The following APBA1 variants were observed in gnomAD, a reference collection of about 807,000 sequenced individuals.
The protein encoded by APBA1 is amyloid beta precursor protein binding family A member 1.
A neutral mutation model predicts 86.6 loss-of-function variants in APBA1; 55 were observed. The observed-to-expected ratio is 0.64, with a 90% CI of 0.51 to 0.80. The LOEUF is 0.80. Among genes scored for constraint, APBA1 ranks in the 30% least tolerant of loss-of-function variants. The pLI is 0.00. For missense variants in APBA1, 1,090 were observed against 1,183.0 expected, an observed-to-expected ratio of 0.92 and a Z score of 1.15; for synonymous variants, 511 against 493.9, an observed-to-expected ratio of 1.03 and a Z score of -0.46.
At position 69,571,895 on chromosome 9, in the gene APBA1, T is replaced by G. The variant is rs930783354; in HGVS notation, c.-69-54616A>C. 2.6e-5 allele frequency among the ~76,000 whole-genome samples: 4 copies of G among 152,192 alleles called. No individual in the cohort carries two copies. The East Asian group carries it at 5.8e-4, about 22-fold the overall frequency. The stretch of plus-strand genomic sequence containing the variant: ...ACGAGGCTGTCATTGATTTGACCTC[T>G]GCCGACTGCTGCAATCTCAGGGCAG... On this transcript the variant is annotated intron_variant, in intron 1 of 12. Coordinates refer to ENST00000265381, the MANE Select transcript of APBA1 (RefSeq NM_001163.4).
chr9:69,665,126 G>A (rs1823820900), intron 1 of APBA1, among the ~76,000 whole-genome samples: 1 of 152,158 alleles, frequency 6.6e-6, no homozygotes, highest in South Asian at 2.1e-4. Context: ...CAGCCCTAAA[G>A]TACTGAAGAT....
chr9:69,633,284 T>C (rs965243672), intron 1 of APBA1, among the ~76,000 whole-genome samples: 1 of 152,180 alleles, frequency 6.6e-6, no homozygotes, highest in African/African-American at 2.4e-5. Flanking sequence ...AGTCGCTTCA[T>C]TAAACTCTTC....
chr9:69,486,334 T>C (rs1185426620), intron 2 of APBA1, among the ~76,000 whole-genome samples: 6 of 152,134 alleles, frequency 3.9e-5, no homozygotes, highest in Non-Finnish European at 7.3e-5. Flanking sequence ...AAATAGCTCC[T>C]GGAACTTTCA....
At position 69,658,300 on chromosome 9, in the gene APBA1, CTCTCTCTTTCTT is replaced by C. The variant is rs1564104994; in HGVS notation, c.-70+13841_-70+13852del. Reference sequence around the variant, plus strand: ...TCTTTCTTTCTCTCTCTCTTTCTCTCTCTCTCTTTCTTTCTTTCTTTCTTTCTTTCTTTCTTT... The same window carrying C: ...TCTTTCTTTCTCTCTCTCTTTCTCTCTCTTTCTTTCTTTCTTTCTTTCTTT... On this transcript the variant is annotated intron_variant, in intron 1 of 12. Transcript: ENST00000265381. Among the ~76,000 whole-genome samples the C allele has an allele frequency of 1.9e-3, 106 of 56,108 alleles. 2 individuals carry two copies. Among genetic ancestry groups the C allele is most frequent in the African/African-American group, 4.7e-3 (82 of 17,432 alleles). 36.8% of individuals were successfully genotyped at this position (56,108 alleles called of 152,430 possible).
At chr9:69,443,265 T>C (rs1219227340) in intron 10 of APBA1, among the ~76,000 whole-genome samples, 1 of 152,218 alleles carries the variant, frequency 6.6e-6, no homozygotes, top group Non-Finnish European at 1.5e-5. Flanking sequence ...ATGATTCAGG[T>C]GCACGCTCAA....
At chr9:69,637,399 T>C (rs1407987809) in intron 1 of APBA1, among the ~76,000 whole-genome samples, 1 of 152,204 alleles carries the variant, frequency 6.6e-6, no homozygotes. Flanking sequence ...AAAGAAAAGA[T>C]ACATGCCTGA....
intron 1 of APBA1, among the ~76,000 whole-genome samples, chr9:69,558,922 A>T (rs928555601): frequency 2.0e-5 from 3 of 152,302 alleles, no homozygotes; most frequent in African/African-American, 7.2e-5. Flanking sequence ...TTCAGAATAA[A>T]AAAAGGATCT....
At position 69,584,499 on chromosome 9, in the gene APBA1, T is replaced by G. The variant is rs141274388; in HGVS notation, c.-69-67220A>C. Among the ~76,000 whole-genome samples the G allele has an allele frequency of 7.5e-4, 114 of 152,330 alleles. 1 individual carries two copies. The highest frequency in any genetic ancestry group is 2.1e-3 in the African/African-American group (87 of 41,568). On this transcript the variant is annotated intron_variant, in intron 1 of 12. Transcript: ENST00000265381. ...AGGATGCTCCCAGATCCTTTACTTA[T>G]TAGCAGTATGACCTTAGGCAAGTTA...
At chr9:69,565,215 T>C (rs891829105) in intron 1 of APBA1, among the ~76,000 whole-genome samples, 13 of 152,104 alleles carry the variant, frequency 8.5e-5, no homozygotes, top group African/African-American at 2.9e-4. Context: ...TCATTTGTTA[T>C]CTGGGATGCC....
intron 1 of APBA1, among the ~76,000 whole-genome samples, chr9:69,667,622 C>G (rs1823866522): frequency 6.6e-6 from 1 of 150,388 alleles, no homozygotes; most frequent in Non-Finnish European, 1.5e-5. Context: ...TTGAGCCTCT[C>G]CCTTACATTT....
At chr9:69,554,950 T>TC (rs1300963003) in intron 1 of APBA1, among the ~76,000 whole-genome samples, 2 of 152,330 alleles carry the variant, frequency 1.3e-5, no homozygotes, top group Admixed American at 1.3e-4. Flanking sequence ...ACATAACAGA[T>TC]GATAGCATGG....
intron 1 of APBA1, among the ~76,000 whole-genome samples, chr9:69,658,569 AT>A (rs71356125): frequency 7.9e-4 from 112 of 140,982 alleles, no homozygotes; most frequent in East Asian, 3.3e-3. Flanking sequence ...TGCCCAGCTA[AT>A]TTTTTTTTTT....
intron 1 of APBA1, among the ~76,000 whole-genome samples, chr9:69,619,229 A>G (rs1327121107): frequency 6.6e-6 from 1 of 152,228 alleles, no homozygotes; most frequent in African/African-American, 2.4e-5. Context: ...CCATAATAAA[A>G]GAAATTACAT....
In APBA1 at chr9:69,493,686, G is replaced by T. The variant is rs138177913; in HGVS notation, c.1201-17543C>A. Among the ~76,000 whole-genome samples, 1,448 of 152,170 alleles carry T rather than the reference G, an allele frequency of 9.5e-3. 30 individuals carry two copies. Among genetic ancestry groups the T allele is most frequent in the African/African-American group, 0.033 (1,374 of 41,516 alleles). ...ATACAGAGACCCCATAAAATATATA[G>T]TAGGAGTTCAATAAATATGTTGAAT... On this transcript the variant is annotated intron_variant, in intron 2 of 12. Transcript: ENST00000265381.
intron 2 of APBA1, among the ~76,000 whole-genome samples, chr9:69,484,359 G>C (rs1301156262): frequency 6.6e-6 from 1 of 152,148 alleles, no homozygotes; most frequent in African/African-American, 2.4e-5. Flanking sequence ...ATATGGAACA[G>C]GGGGAGGAGG....
At chr9:69,449,833 T>C (rs2781532) in intron 9 of APBA1, 37 bp from the exon 10 acceptor site, 1,477,358 of 1,582,570 alleles carry the variant, frequency 0.93, 690,077 homozygotes, top group East Asian at 1. Flanking sequence ...CCTCCATCAG[T>C]GACCATCTGG....
In APBA1 at chr9:69,516,943, C is replaced by T. The variant is rs1324589585; in HGVS notation, c.268G>A (p.Asp90Asn). Reference sequence around the variant, plus strand: ...GCGATCACGTCGCCCTCGGCGGTGTCCGTGTGGTTGTGGAAGCCGCTCTCC... The same window carrying T: ...GCGATCACGTCGCCCTCGGCGGTGTTCGTGTGGTTGTGGAAGCCGCTCTCC... Reference protein sequence around the residue: ...STESGFHNHTDTAEGDVIAAA... With the variant: ...STESGFHNHTNTAEGDVIAAA... Residue 90 changes from aspartate (D) to asparagine (N), a missense_variant, in exon 2 of 13, where the codon GAC (aspartate) becomes AAC (asparagine). Coordinates refer to ENST00000265381, the MANE Select transcript of APBA1 (RefSeq NM_001163.4). This position sits in a 1 kb window ranked among gnomAD's most constrained non-coding sequence, Gnocchi z 7.3. 1 of 1,594,404 alleles carries T rather than the reference C, an allele frequency of 6.3e-7. No homozygotes were observed. Among genetic ancestry groups the T allele is most frequent in the Non-Finnish European group, 8.5e-7 (1 of 1,177,330 alleles).
rs1357898196 is a variant in APBA1 at position 69,636,876 on chromosome 9, A to C, written c.-70+35277T>G. 1.4e-4 allele frequency among the ~76,000 whole-genome samples: 19 copies of C among 135,586 alleles called. 1 individual carries two copies. Among genetic ancestry groups the C allele is most frequent in the African/African-American group, 4.9e-4 (18 of 37,104 alleles). The allele number at this position is 135,586 out of a possible 152,430, so 88.9% of individuals were successfully genotyped here. A position where few individuals can be genotyped will look rare whatever the true frequency, so the allele number is the denominator to read the frequency against. On this transcript the variant is annotated intron_variant, in intron 1 of 12. Coordinates refer to ENST00000265381, the MANE Select transcript of APBA1 (RefSeq NM_001163.4). Reference sequence around the variant, plus strand: ...GGGAGGGAGGGAGGGAGAGAGAAAGAAAGAAGGAAGGAAAGAAGGAAGGAA... The same window carrying C: ...GGGAGGGAGGGAGGGAGAGAGAAAGCAAGAAGGAAGGAAAGAAGGAAGGAA...
At chr9:69,582,459 C>A (rs1311455065) in intron 1 of APBA1, among the ~76,000 whole-genome samples, 3 of 152,164 alleles carry the variant, frequency 2.0e-5, no homozygotes, top group Non-Finnish European at 4.4e-5. Flanking sequence ...AAGGAATGTG[C>A]AAACTGGGTA....
Sources: allele counts gnomAD v4.1 joint callset (sites outside exome capture counted in the v4.1 genomes callset), GRCh38; gene constraint gnomAD v4.1.1; non-coding constraint Gnocchi (gnomAD v3.1); transcripts MANE v1.5; gene names NCBI Gene and HGNC (gene_info 2026-07-23, HGNC 2026-07-21).